SKI: variants seen among roughly 807,000 people sequenced by gnomAD.
The protein encoded by SKI is ski oncogene.
In SKI, 23 loss-of-function variants were observed where a neutral mutation model predicts 59.3. The ratio of observed to expected loss-of-function variants is 0.39; its 90% CI spans 0.28 to 0.55. The LOEUF (loss-of-function observed/expected upper bound fraction) is 0.55. Among genes scored for constraint, SKI ranks in the 20% least tolerant of loss-of-function variants. The pLI is 0.67. For missense variants in SKI, 1,017 were observed against 1,038.9 expected, an observed-to-expected ratio of 0.98 and a Z score of 0.29; for synonymous variants, 673 against 488.6, an observed-to-expected ratio of 1.38 and a Z score of -4.98.
At chr1:2,237,028 A>T (rs1638762539) in intron 1 of SKI, among the ~76,000 whole-genome samples, 1 of 152,134 alleles carries the variant, frequency 6.6e-6, no homozygotes, top group African/African-American at 2.4e-5. Context: ...CACCCAAATC[A>T]GGGATCTTTC....
chr1:2,229,400 G>C lies in SKI; in HGVS notation c.634G>C (p.Glu212Gln). 1 of 1,608,538 alleles carries C rather than the reference G, an allele frequency of 6.2e-7. No individual in the cohort carries two copies. The highest frequency in any genetic ancestry group is 8.5e-7 in the Non-Finnish European group (1 of 1,177,882). ...ELAASLALGLELSERSVRVYH... is the reference protein window; with the variant it reads ...ELAASLALGLQLSERSVRVYH... Reference sequence around the variant, plus strand: ...GGCCGCCAGCCTGGCGCTGGGCCTGGAGCTCAGCGAGCGCAGCGTCCGCGT... The same window carrying C: ...GGCCGCCAGCCTGGCGCTGGGCCTGCAGCTCAGCGAGCGCAGCGTCCGCGT... The change falls in exon 1 of 7, where the codon GAG becomes CAG. Residue 212 changes from glutamate (E) to glutamine (Q), a missense_variant. Glu to Gln is a conservative substitution (Grantham distance 29, BLOSUM62 2). Transcript: ENST00000378536. This position sits in a 1 kb window ranked among gnomAD's most constrained non-coding sequence, Gnocchi z 6.3.
chr1:2,255,287 C>T (rs1273255419), intron 1 of SKI, among the ~76,000 whole-genome samples: 2 of 152,062 alleles, frequency 1.3e-5, no homozygotes, highest in South Asian at 4.1e-4. Context: ...CTCAGTCCAG[C>T]TGCTTAGACC....
At chr1:2,260,715 A>AT (rs1639371230) in intron 1 of SKI, among the ~76,000 whole-genome samples, 1 of 149,854 alleles carries the variant, frequency 6.7e-6, no homozygotes, top group Non-Finnish European at 1.5e-5. Flanking sequence ...TAATTTTTGT[A>AT]TTTTTTGTAG....
intron 1 of SKI, among the ~76,000 whole-genome samples, chr1:2,281,172 C>G (rs1260555676): frequency 4.4e-5 from 1 of 22,546 alleles, no homozygotes; most frequent in Non-Finnish European, 8.9e-5. Context: ...GAGAGGACGC[C>G]CGAGAGGACA....
intron 1 of SKI, among the ~76,000 whole-genome samples, chr1:2,275,900 T>G (rs898751739): frequency 2.0e-5 from 3 of 152,008 alleles, no homozygotes; most frequent in African/African-American, 7.2e-5. Context: ...ACCCCACCAG[T>G]GCACCTTGGC....
intron 1 of SKI, among the ~76,000 whole-genome samples, chr1:2,264,903 C>T (rs1639467499): frequency 6.6e-6 from 1 of 151,058 alleles, no homozygotes; most frequent in African/African-American, 2.4e-5. Flanking sequence ...CCTCTGCCTC[C>T]GGGTTCAAGT....
chr1:2,274,133 G>A (rs573610205), intron 1 of SKI, among the ~76,000 whole-genome samples: 1 of 151,946 alleles, frequency 6.6e-6, no homozygotes, highest in East Asian at 1.9e-4. Context: ...GAGGAAGGTA[G>A]CGCTTTGTCA....
At chr1:2,292,171 G>A (rs188479546) in intron 1 of SKI, among the ~76,000 whole-genome samples, 4 of 152,324 alleles carry the variant, frequency 2.6e-5, no homozygotes, top group Admixed American at 1.3e-4. Flanking sequence ...GTGCCTCAGC[G>A]CGAGCTTCTG....
In SKI at chr1:2,239,543, T is replaced by C. The variant is rs372691784; in HGVS notation, c.969+9808T>C. On this transcript the variant is annotated intron_variant, in intron 1 of 6. Transcript: ENST00000378536. ...GGCACCTTTGTACGGGGACACACCC[T>C]GGACCTGAATGGAGTCAGGAAGGGT... Among the ~76,000 whole-genome samples the C allele has an allele frequency of 3.9e-5, 6 of 152,356 alleles. No individual in the cohort carries two copies. The South Asian group carries it at 8.3e-4, about 21-fold the overall frequency.
rs72920916 is a variant in SKI at position 2,304,695 on chromosome 1, G to A, written c.1767+110G>A. Reference sequence around the variant, plus strand: ...TCCTCCCTTCCTGGCTGCCCCATGCGCTCCTCTCTGCCTCCACCTCAGTGG... The same window carrying A: ...TCCTCCCTTCCTGGCTGCCCCATGCACTCCTCTCTGCCTCCACCTCAGTGG... On this transcript the variant is annotated intron_variant, in intron 5 of 6. Coordinates refer to ENST00000378536, the MANE Select transcript of SKI (RefSeq NM_003036.4). 6.7e-4 allele frequency: 967 copies of A among 1,438,552 alleles called. 5 individuals carry two copies. The African/African-American group carries it at 0.011, about 16-fold the overall frequency. 89.1% of individuals were successfully genotyped at this position (1,438,552 alleles called of 1,614,324 possible). A position where few individuals can be genotyped will look rare whatever the true frequency, so the allele number is the denominator to read the frequency against.
rs1178419769 is a variant in SKI at position 2,310,207 on chromosome 1, G to A, written c.*3442G>A. On this transcript the variant is annotated 3_prime_UTR_variant, in exon 7 of 7. Transcript: ENST00000378536. ...ATGACATTGTACAATAAAGGACTTTGAGAGGACCGCGGGACAGCTGTGCGT... is the reference window on the plus strand; with the variant it reads ...ATGACATTGTACAATAAAGGACTTTAAGAGGACCGCGGGACAGCTGTGCGT... 6.6e-6 allele frequency: 1 copy of A among 152,114 alleles called. No individual in the cohort carries two copies. The highest frequency in any genetic ancestry group is 2.4e-5 in the African/African-American group (1 of 41,434). 9.4% of individuals were successfully genotyped at this position (152,114 alleles called of 1,614,324 possible). A position where few individuals can be genotyped will look rare whatever the true frequency, so the allele number is the denominator to read the frequency against.
At chr1:2,266,289 CACAT>C (rs1454562404) in intron 1 of SKI, among the ~76,000 whole-genome samples, 1 of 152,128 alleles carries the variant, frequency 6.6e-6, no homozygotes, top group Non-Finnish European at 1.5e-5. Context: ...GGAGTTTCTG[CACAT>C]ACATACTGTG....
chr1:2,245,855 G>A (rs1638983504), intron 1 of SKI, among the ~76,000 whole-genome samples: 1 of 142,714 alleles, frequency 7.0e-6, no homozygotes, highest in South Asian at 2.2e-4. Context: ...AGAGTGCGGT[G>A]GCACAGTCTC....
intron 1 of SKI, among the ~76,000 whole-genome samples, chr1:2,285,604 A>G (rs1640021611): frequency 6.9e-6 from 1 of 145,228 alleles, no homozygotes; most frequent in African/African-American, 2.5e-5. Context: ...TTGCTCTGTC[A>G]CCCAGGCTGG....
At chr1:2,288,827 C>T (rs747042092) in intron 1 of SKI, among the ~76,000 whole-genome samples, 2 of 152,102 alleles carry the variant, frequency 1.3e-5, no homozygotes, top group African/African-American at 4.8e-5. Flanking sequence ...GTACCAAGTT[C>T]GTCTTCATCC....
intron 1 of SKI, among the ~76,000 whole-genome samples, chr1:2,265,772 G>A (rs888392637): frequency 3.9e-5 from 6 of 152,052 alleles, no homozygotes; most frequent in African/African-American, 9.7e-5. Context: ...TTTGAGACCA[G>A]CCTGGGCAAC....
intron 1 of SKI, among the ~76,000 whole-genome samples, chr1:2,251,183 C>T (rs1012445861): frequency 3.3e-5 from 5 of 152,106 alleles, no homozygotes; most frequent in Admixed American, 2.6e-4. Flanking sequence ...CGCTGCGGAC[C>T]GTGTTCGGAA....
At chr1:2,284,573 A>T (rs1260501217) in intron 1 of SKI, among the ~76,000 whole-genome samples, 3 of 152,144 alleles carry the variant, frequency 2.0e-5, no homozygotes, top group Admixed American at 6.5e-5. Flanking sequence ...GGCTCACCCC[A>T]GTGGTGTGGG....
intron 1 of SKI, among the ~76,000 whole-genome samples, chr1:2,295,839 G>A (rs184914689): frequency 2.6e-5 from 4 of 152,230 alleles, no homozygotes; most frequent in East Asian, 1.9e-4. Flanking sequence ...AATCTATCCC[G>A]TCATTTGTCT....
Sources: gnomAD v4.1 joint callset for allele counts (sites outside exome capture counted in the v4.1 genomes callset) on GRCh38, gnomAD v4.1.1 for gene constraint, Gnocchi (gnomAD v3.1) non-coding constraint, MANE v1.5 for transcripts, NCBI Gene and HGNC (gene_info 2026-07-23, HGNC 2026-07-21) for gene names.